The following ANO5 variants were observed in gnomAD, a reference collection of about 807,000 sequenced individuals.
ANO5 encodes anoctamin 5, also known as anoctamin-5.
Under a neutral mutation model 121.0 loss-of-function variants are expected in ANO5, and 109 were observed. That is an observed-to-expected ratio of 0.90 (90% confidence interval 0.77 to 1.06). ANO5 has a LOEUF of 1.06. Among genes scored for constraint, ANO5 ranks in the 50% least tolerant of loss-of-function variants. ANO5 has a pLI of 0.00. For missense variants in ANO5, 1,064 were observed against 1,078.5 expected (o/e 0.99, Z 0.19); for synonymous variants, 406 against 359.9 (o/e 1.13, Z -1.45).
rs79991670 is a variant in ANO5 at position 22,256,869 on chromosome 11, C to T, written c.1333-811C>T. ...AAATATGCATACAGATGCATGAACA[C>T]GCATACATTGGGTGCACACATGAAC... On this transcript the variant is annotated intron_variant, in intron 13 of 21. Transcript: ENST00000324559. 0.015 allele frequency among the ~76,000 whole-genome samples: 2,240 copies of T among 152,204 alleles called. 146 individuals are homozygous for T. In the East Asian group the frequency reaches 0.21, roughly 14 times the overall value.
chr11:22,239,645 T>A lies in ANO5; in HGVS notation c.839T>A (p.Phe280Tyr), dbSNP rs754230440. 6.2e-7 allele frequency: 1 copy of A among 1,612,648 alleles called. No individual in the cohort carries two copies. The highest frequency in any genetic ancestry group is 8.5e-7 in the Non-Finnish European group (1 of 1,178,864). ...RYTLHQNWAR[F>Y]SYFYKEQPLD... ...ACACTTCACCAGAATTGGGCTCGATTTTCCTATTTCTACAAGGAGCAGCCT... is the reference window on the plus strand; with the variant it reads ...ACACTTCACCAGAATTGGGCTCGATATTCCTATTTCTACAAGGAGCAGCCT... Residue 280 changes from phenylalanine to tyrosine, a missense_variant, in exon 9 of 22, where the codon TTT (phenylalanine) becomes TAT (tyrosine). Coordinates refer to ENST00000324559, the MANE Select transcript of ANO5 (RefSeq NM_213599.3).
rs578215079 is a variant in ANO5 at position 22,225,096 on chromosome 11, T to C, written c.295-888T>C. On this transcript the variant is annotated intron_variant, in intron 5 of 21. Coordinates refer to ENST00000324559, the MANE Select transcript of ANO5 (RefSeq NM_213599.3). ...TAAAAATGGTAAAGATGGTAAGTTA[T>C]ATATGTATATTTTAACTCAATAAAA... is the stretch of plus-strand genomic sequence containing the variant. Among the ~76,000 whole-genome samples, 6 of 151,822 alleles carry C rather than the reference T, an allele frequency of 4.0e-5. No individual in the cohort carries two copies. The South Asian group carries it at 1.2e-3, about 31-fold the overall frequency.
At chr11:22,236,618 TA>T (rs1274967007) in intron 8 of ANO5, among the ~76,000 whole-genome samples, 1 of 152,232 alleles carries the variant, frequency 6.6e-6, no homozygotes, top group East Asian at 1.9e-4. Context: ...TTTTCTCATT[TA>T]TAAAGTTTTG....
intron 2 of ANO5, among the ~76,000 whole-genome samples, chr11:22,206,589 C>T (rs1189161585): frequency 1.3e-5 from 2 of 152,068 alleles, no homozygotes; most frequent in African/African-American, 4.8e-5. Flanking sequence ...GCTGAGATTA[C>T]AGGCTTGAGC....
At chr11:22,246,815 C>T (rs1170790872) in intron 9 of ANO5, among the ~76,000 whole-genome samples, 4 of 139,458 alleles carry the variant, frequency 2.9e-5, no homozygotes, top group Non-Finnish European at 4.6e-5. Context: ...GAGATCGCAC[C>T]ACTACCCTAC....
chr11:22,225,320 G>T (rs1852788703), intron 5 of ANO5, among the ~76,000 whole-genome samples: 1 of 151,948 alleles, frequency 6.6e-6, no homozygotes, highest in Non-Finnish European at 1.5e-5. Context: ...AATTATCCGA[G>T]TGTGGAGACA....
In ANO5 at chr11:22,272,846, C is replaced by T; in HGVS notation, c.2092C>T (p.Leu698Phe). The T allele has an allele frequency of 6.2e-7, 1 of 1,614,054 alleles. No homozygotes were observed. The change falls in exon 19 of 22, where the codon CTC becomes TTC. Residue 698 changes from leucine (L) to phenylalanine (F), a missense_variant. Physicochemically the swap from Leu to Phe is conservative, Grantham distance 22. Coordinates refer to ENST00000324559, the MANE Select transcript of ANO5 (RefSeq NM_213599.3). The stretch of plus-strand genomic sequence containing the variant: ...TTTTCCTTTGGCTCCTCTTCTTGCT[C>T]TCATAAATAATATTGTAGAGATTCG... ...ASFPLAPLLALINNIVEIRVD... is the reference protein window; with the variant it reads ...ASFPLAPLLAFINNIVEIRVD...
Position 22,250,272 on chromosome 11 carries a change from T to A in ANO5, c.914T>A (p.Val305Asp). The A allele has an allele frequency of 2.5e-6, 4 of 1,605,344 alleles. No individual in the cohort carries two copies. The highest frequency in any genetic ancestry group is 3.4e-6 in the Non-Finnish European group (4 of 1,172,870). Residue 305 changes from valine to aspartate, a missense_variant, in exon 10 of 22, where the codon GTC becomes GAC. Coordinates refer to ENST00000324559, the MANE Select transcript of ANO5 (RefSeq NM_213599.3). ...YYGEKIGIYF[V>D]FLGFYTEMLF... ...GGAGAAAAAATTGGTATCTATTTTG[T>A]CTTTCTTGGATTTTACACAGAAATG...
At chr11:22,201,487 G>A (rs1422154052) in intron 1 of ANO5, among the ~76,000 whole-genome samples, 1 of 152,146 alleles carries the variant, frequency 6.6e-6, no homozygotes, top group African/African-American at 2.4e-5. Flanking sequence ...TCTGAAGGAT[G>A]TGAAGAATTA....
At chr11:22,262,350 A>T in intron 16 of ANO5, 52 bp downstream of exon 16, 1 of 1,583,006 alleles carries the variant, frequency 6.3e-7, no homozygotes, top group Non-Finnish European at 8.7e-7. Flanking sequence ...CTCAGTATTA[A>T]CAACTTTCTG....
In ANO5 at chr11:22,224,858, C is replaced by T. The variant is rs777949713; in HGVS notation, c.295-1126C>T. On this transcript the variant is annotated intron_variant, in intron 5 of 21. Coordinates refer to ENST00000324559, the MANE Select transcript of ANO5 (RefSeq NM_213599.3). The stretch of plus-strand genomic sequence containing the variant: ...ATGAAATACTATCATTTGCAGCCAT[C>T]GATGGAACTGGAAGCCATTATGTTA... 2.4e-4 allele frequency among the ~76,000 whole-genome samples: 37 copies of T among 152,056 alleles called. 1 individual carries two copies. Among genetic ancestry groups the T allele is most frequent in the Admixed American group, 4.6e-4 (7 of 15,232 alleles).
rs926023473 is a variant in ANO5 at position 22,263,107 on chromosome 11, A to G, written c.1898+64A>G. The stretch of plus-strand genomic sequence containing the variant: ...ACCATGAGATATTTCCTCTAGAAGA[A>G]GATGGAATTTTTTGATTACCATGGT... On this transcript the variant is annotated intron_variant, in intron 17 of 21. Coordinates refer to ENST00000324559, the MANE Select transcript of ANO5 (RefSeq NM_213599.3). 19 of 1,413,384 alleles carry G rather than the reference A, an allele frequency of 1.3e-5. No individual in the cohort carries two copies. The Middle Eastern group carries it at 7.2e-4, about 53-fold the overall frequency. 87.6% of individuals were successfully genotyped at this position (1,413,384 alleles called of 1,614,324 possible). A position where few individuals can be genotyped will look rare whatever the true frequency, so the allele number is the denominator to read the frequency against.
intron 9 of ANO5, among the ~76,000 whole-genome samples, chr11:22,240,051 C>T (rs1241313640): frequency 2.6e-5 from 4 of 151,958 alleles, no homozygotes; most frequent in South Asian, 2.1e-4. Flanking sequence ...ATCTGTAAAA[C>T]GGGAATAGCA....
intron 9 of ANO5, among the ~76,000 whole-genome samples, chr11:22,245,525 T>C (rs1168916070): frequency 6.6e-6 from 1 of 152,214 alleles, no homozygotes; most frequent in Admixed American, 6.5e-5. Flanking sequence ...CAAATATTTA[T>C]TTGAGAAGAG....
In ANO5 at chr11:22,236,254, C is replaced by CATCTGCCT. The variant is rs1310890012; in HGVS notation, c.744_751dup (p.Pro251LeufsTer42). 1.2e-6 allele frequency: 2 copies of CATCTGCCT among 1,612,208 alleles called. No individual in the cohort carries two copies. The highest frequency in any genetic ancestry group is 1.7e-6 in the Non-Finnish European group (2 of 1,178,726). Reference sequence around the variant, plus strand: ...AGACTGCTAAACTCTAACACTTACTCATCTGCCTATCCACTCCATGATGTA... The same window carrying CATCTGCCT: ...AGACTGCTAAACTCTAACACTTACTCATCTGCCTATCTGCCTATCCACTCCATGATGTA... On this transcript the variant is annotated frameshift_variant, in exon 8 of 22. Transcript: ENST00000324559. LOFTEE classifies it high-confidence loss of function.
rs765414038 is a variant in ANO5 at position 22,193,566 on chromosome 11, C to T, written c.40+34C>T. ...GCGCCAAGAGGCGTCAAGGGAGAGCCAGGCTGGCTGCCTGCACCCCTCCAC... is the reference window on the plus strand; with the variant it reads ...GCGCCAAGAGGCGTCAAGGGAGAGCTAGGCTGGCTGCCTGCACCCCTCCAC... On this transcript the variant is annotated intron_variant, in intron 1 of 21. Coordinates refer to ENST00000324559, the MANE Select transcript of ANO5 (RefSeq NM_213599.3). 2.5e-6 allele frequency: 4 copies of T among 1,606,626 alleles called. No homozygotes were observed. The South Asian group carries it at 3.3e-5, about 13-fold the overall frequency.
rs1564922494 is a variant in ANO5, at chr11:22,225,985, AAAG to A, written c.302_304del (p.Arg101del). ...TCTGTTGATTTTTTTTTGTCATAGG[AAAG>A]AAGAAAAGAGTTTGAAACTAATCTC... On this transcript the variant is annotated inframe_deletion and splice_region_variant, in exon 6 of 22. Coordinates refer to ENST00000324559, the MANE Select transcript of ANO5 (RefSeq NM_213599.3). 6.2e-7 allele frequency: 1 copy of A among 1,604,658 alleles called. No individual in the cohort carries two copies. Among genetic ancestry groups the A allele is most frequent in the East Asian group, 2.2e-5 (1 of 44,674 alleles).
intron 9 of ANO5, among the ~76,000 whole-genome samples, chr11:22,248,163 A>C (rs1853684233): frequency 6.6e-6 from 1 of 152,084 alleles, no homozygotes; most frequent in Non-Finnish European, 1.5e-5. Flanking sequence ...TCTTCAACTA[A>C]ATATTACATC....
At chr11:22,253,919 C>G (rs1287444024) in intron 12 of ANO5, among the ~76,000 whole-genome samples, 1 of 152,066 alleles carries the variant, frequency 6.6e-6, no homozygotes, top group African/African-American at 2.4e-5. Flanking sequence ...TGAGCAGTTA[C>G]TAATCAATAA....
Sources: gnomAD v4.1 joint callset for allele counts (sites outside exome capture counted in the v4.1 genomes callset) on GRCh38, gnomAD v4.1.1 for gene constraint, MANE v1.5 for transcripts, NCBI Gene and HGNC (gene_info 2026-07-23, HGNC 2026-07-21) for gene names.